ITGA2: variants seen among roughly 807,000 people sequenced by gnomAD.
ITGA2 encodes the protein integrin subunit alpha 2, also known as integrin alpha-2.
In ITGA2, 101 loss-of-function variants were observed where a neutral mutation model predicts 146.3. The ratio of observed to expected loss-of-function variants is 0.69; its 90% CI spans 0.59 to 0.81. The LOEUF (loss-of-function observed/expected upper bound fraction) is 0.81, where lower values mean the gene tolerates loss of function less well. ITGA2 is among the 40% of genes least tolerant of loss of function. The pLI, the probability that ITGA2 is intolerant of heterozygous loss-of-function variation, is 0.00. For missense variants in ITGA2, 1,281 were observed against 1,402.7 expected, an observed-to-expected ratio of 0.91 and a Z score of 1.39; for synonymous variants, 477 against 487.1, an observed-to-expected ratio of 0.98 and a Z score of 0.27.
At chr5:53,020,293 A>G (rs1294045530) in intron 1 of ITGA2, among the ~76,000 whole-genome samples, 1 of 152,262 alleles carries the variant, frequency 6.6e-6, no homozygotes, top group African/African-American at 2.4e-5. Context: ...ACAAGTTATC[A>G]TACAGATATG....
At chr5:53,052,470 G>A (rs1036694102) in intron 7 of ITGA2, among the ~76,000 whole-genome samples, 11 of 152,036 alleles carry the variant, frequency 7.2e-5, no homozygotes, top group Non-Finnish European at 1.0e-4. Context: ...ACAAATTAAT[G>A]AGAACAACAA....
At position 53,062,171 on chromosome 5, in the gene ITGA2, A is replaced by T. The variant is rs41304880; in HGVS notation, c.1459-615A>T. On this transcript the variant is annotated intron_variant, in intron 12 of 29. Transcript: ENST00000296585. ...CTACTTACCTGTCTCATATCATGCC[A>T]TGTACACTTACATCATCATATGTGC... Among the ~76,000 whole-genome samples the T allele has an allele frequency of 2.6e-3, 390 of 151,968 alleles. 1 individual carries two copies. Among genetic ancestry groups the T allele is most frequent in the Non-Finnish European group, 4.0e-3 (274 of 67,878 alleles).
chr5:53,068,724 T>C (rs1389973279), intron 16 of ITGA2, among the ~76,000 whole-genome samples: 1 of 151,892 alleles, frequency 6.6e-6, no homozygotes, highest in Non-Finnish European at 1.5e-5. Flanking sequence ...AATAATAGTA[T>C]GTAAGACGTG....
chr5:53,035,933 C>G (rs1416099295), intron 2 of ITGA2, among the ~76,000 whole-genome samples: 1 of 152,116 alleles, frequency 6.6e-6, no homozygotes, highest in African/African-American at 2.4e-5. Flanking sequence ...AACTCTTGAG[C>G]TCCCCCTATC....
chr5:53,070,246 A>G lies in ITGA2; in HGVS notation c.2221A>G (p.Ile741Val). Residue 741 changes from isoleucine to valine, a missense_variant, in exon 17 of 30, where the codon ATC (isoleucine) becomes GTC (valine). This residue lies in a region of ITGA2 where 475 missense variants were observed against 530.5 expected (regional missense o/e 0.90). Transcript: ENST00000296585. ...TCAAGCACAGAGTTGCCCCGAGCAC[A>G]TCATTTATATACAGGTAAGGCCTCA... ...VNQAQSCPEH[I>V]IYIQEPSDVV... 1 of 1,611,838 alleles carries G rather than the reference A, an allele frequency of 6.2e-7. No individual in the cohort carries two copies. The highest frequency in any genetic ancestry group is 8.5e-7 in the Non-Finnish European group (1 of 1,178,522).
chr5:53,060,749 G>A (rs975873253), intron 11 of ITGA2, 152 bp from the exon 12 acceptor site: 7 of 750,554 alleles, frequency 9.3e-6, no homozygotes, highest in South Asian at 8.9e-5. Flanking sequence ...TTAGAAAAAG[G>A]AAGACATGTC....
At chr5:53,055,151 T>A (rs913294996) in intron 7 of ITGA2, among the ~76,000 whole-genome samples, 16 of 152,010 alleles carry the variant, frequency 1.1e-4, no homozygotes, top group African/African-American at 2.9e-4. Context: ...CTATTACTTT[T>A]AAAAAAATAA....
At chr5:53,034,425 A>G (rs760447225) in intron 2 of ITGA2, among the ~76,000 whole-genome samples, 3 of 151,914 alleles carry the variant, frequency 2.0e-5, no homozygotes, top group African/African-American at 4.8e-5. Context: ...AAAAAAATCT[A>G]TAGTAGGAAG....
chr5:53,044,229 C>T (rs766664796), intron 3 of ITGA2, among the ~76,000 whole-genome samples: 9 of 121,322 alleles, frequency 7.4e-5, no homozygotes, highest in Middle Eastern at 6.1e-3. Flanking sequence ...GAGCCAAGAT[C>T]GCTCCACTGC....
At chr5:53,007,291 G>T (rs1308985066) in intron 1 of ITGA2, among the ~76,000 whole-genome samples, 1 of 152,092 alleles carries the variant, frequency 6.6e-6, no homozygotes, top group Non-Finnish European at 1.5e-5. Context: ...GTATGCACAG[G>T]CTAGGATGGT....
intron 1 of ITGA2, among the ~76,000 whole-genome samples, chr5:53,001,225 A>G (rs567938692): frequency 1.3e-5 from 2 of 152,242 alleles, no homozygotes; most frequent in East Asian, 1.9e-4. Context: ...ATTTGCTTCT[A>G]TTGAGACAAT....
At chr5:53,084,230 A>G (rs564011272) in intron 27 of ITGA2, among the ~76,000 whole-genome samples, 1 of 152,266 alleles carries the variant, frequency 6.6e-6, no homozygotes, top group South Asian at 2.1e-4. Context: ...ATGGGCTCCA[A>G]TTGAGGAAGA....
In ITGA2 at chr5:53,073,235, G is replaced by T; in HGVS notation, c.2547G>T (p.Leu849Phe). ...TGIVVDFSEN[L>F]FFASFSLPVD... is the part of the protein sequence containing the mutation. ...TTGTTGTTGATTTTTCAGAAAACTT[G>T]TTTTTTGCATCATTCTCCCTGCCGG... The change falls in exon 20 of 30, where the codon TTG becomes TTT. Residue 849 changes from leucine to phenylalanine, a missense_variant. By Grantham distance (22) the Leu-to-Phe change is conservative (BLOSUM62 0). Around this residue, in one of 3 missense-constraint regions of ITGA2, gnomAD observed 475 missense variants for 530.5 expected, o/e 0.90. Coordinates refer to ENST00000296585, the MANE Select transcript of ITGA2 (RefSeq NM_002203.4). The T allele has an allele frequency of 6.2e-7, 1 of 1,612,384 alleles. No individual in the cohort carries two copies. Among genetic ancestry groups the T allele is most frequent in the South Asian group, 1.1e-5 (1 of 91,060 alleles).
intron 2 of ITGA2, among the ~76,000 whole-genome samples, chr5:53,027,951 C>A (rs1743033261): frequency 6.6e-6 from 1 of 152,078 alleles, no homozygotes; most frequent in Non-Finnish European, 1.5e-5. Context: ...TATGGAGGTG[C>A]ATGCCTGCAG....
chr5:53,026,730 T>C lies in ITGA2; in HGVS notation c.65-18T>C. On this transcript the variant is annotated intron_variant, in intron 1 of 29. Transcript: ENST00000296585. ...TCATGAATTGTAAATATGTGCTATT[T>C]CATATTTTTCTTAATAGGCATTTTA... 6.3e-7 allele frequency: 1 copy of C among 1,594,724 alleles called. No homozygotes were observed. Among genetic ancestry groups the C allele is most frequent in the Non-Finnish European group, 8.6e-7 (1 of 1,162,516 alleles).
intron 1 of ITGA2, among the ~76,000 whole-genome samples, chr5:53,011,737 G>T (rs894712262): frequency 6.1e-5 from 6 of 97,678 alleles, no homozygotes; most frequent in South Asian, 3.0e-4. Flanking sequence ...ATATGTGAGT[G>T]GGGGGGAGTG....
intron 1 of ITGA2, among the ~76,000 whole-genome samples, chr5:53,015,869 G>C (rs1036743782): frequency 1.3e-5 from 2 of 152,004 alleles, no homozygotes; most frequent in African/African-American, 4.8e-5. Flanking sequence ...GATTGTTGTT[G>C]GTTTAAAGTC....
At position 53,091,078 on chromosome 5, in the gene ITGA2, AG is replaced by A. The variant is rs886060667; in HGVS notation, c.*483del. Reference sequence around the variant, plus strand: ...TTTAATGAATATTGATGTTAACAAGAGGGGAAAACAAAACACAGGTTTTTTC... The same window carrying A: ...TTTAATGAATATTGATGTTAACAAGAGGGAAAACAAAACACAGGTTTTTTC... On this transcript the variant is annotated 3_prime_UTR_variant, in exon 30 of 30. Transcript: ENST00000296585. The A allele has an allele frequency of 1.9e-4, 43 of 228,320 alleles. No homozygotes were observed. The highest frequency in any genetic ancestry group is 2.8e-4 in the African/African-American group (12 of 43,558). 14.1% of individuals were successfully genotyped at this position (228,320 alleles called of 1,614,324 possible). A position where few individuals can be genotyped will look rare whatever the true frequency, so the allele number is the denominator to read the frequency against.
At chr5:53,021,916 G>T (rs543717499) in intron 1 of ITGA2, among the ~76,000 whole-genome samples, 31 of 152,006 alleles carry the variant, frequency 2.0e-4, no homozygotes, top group Non-Finnish European at 2.1e-4. Flanking sequence ...TCCTATGTAT[G>T]TCCCTGGGCA....
Sources: allele counts gnomAD v4.1 joint callset (sites outside exome capture counted in the v4.1 genomes callset), GRCh38; gene constraint gnomAD v4.1.1; regional missense constraint gnomAD v4.1.1; transcripts MANE v1.5; gene names NCBI Gene and HGNC (gene_info 2026-07-23, HGNC 2026-07-21).